The following ASB1 variants were observed in gnomAD, a reference collection of about 807,000 sequenced individuals.
ASB1 encodes ankyrin repeat and SOCS box containing 1.
ASB1 carries 18 observed loss-of-function variants against 27.7 expected under a neutral mutation model. The ratio of observed to expected loss-of-function variants is 0.65; its 90% CI spans 0.45 to 0.96. The LOEUF is 0.96. Ranked by LOEUF, ASB1 falls within the 50% of genes least tolerant of loss-of-function variation. The pLI, the probability that ASB1 is intolerant of heterozygous loss-of-function variation, is 0.00. For missense variants in ASB1, 397 were observed against 451.7 expected (o/e 0.88, Z 1.10); for synonymous variants, 189 against 187.6 (o/e 1.01, Z -0.06).
rs2106412107 is a variant in ASB1 at position 238,447,966 on chromosome 2, G to T, written c.*1455G>T. The T allele has an allele frequency of 6.6e-6, 1 of 152,410 alleles. No homozygotes were observed. Among genetic ancestry groups the T allele is most frequent in the Admixed American group, 6.5e-5 (1 of 15,304 alleles). 9.4% of individuals were successfully genotyped at this position (152,410 alleles called of 1,614,324 possible). A position where few individuals can be genotyped will look rare whatever the true frequency, so the allele number is the denominator to read the frequency against. On this transcript the variant is annotated 3_prime_UTR_variant, in exon 5 of 5. Coordinates refer to ENST00000264607, the MANE Select transcript of ASB1 (RefSeq NM_001040445.3). ...GTCACCCCAGCTGACCCGTGTATGT[G>T]CAGATGCAGTTCCGAAGGGAAGAAC...
At chr2:238,428,821 G>A (rs891058032) in intron 1 of ASB1, among the ~76,000 whole-genome samples, 2 of 152,210 alleles carry the variant, frequency 1.3e-5, no homozygotes, top group African/African-American at 2.4e-5. Flanking sequence ...GGAATGGATA[G>A]CACAGAGGCC....
intron 3 of ASB1, among the ~76,000 whole-genome samples, chr2:238,437,632 A>G (rs1375615245): frequency 6.6e-6 from 1 of 151,288 alleles, no homozygotes; most frequent in Non-Finnish European, 1.5e-5. Flanking sequence ...TCCAGCAAAG[A>G]TGCTTTTTTC....
rs1434885136 is a variant in ASB1, at chr2:238,433,635, C to T, written c.131C>T (p.Ala44Val). 3.7e-6 allele frequency: 6 copies of T among 1,614,130 alleles called. No homozygotes were observed. The highest frequency in any genetic ancestry group is 5.1e-6 in the Non-Finnish European group (6 of 1,179,984). The change falls in exon 2 of 5, where the codon GCA becomes GTA. Residue 44 changes from alanine (A) to valine (V), a missense_variant. Transcript: ENST00000264607. ...EHCEDTRLHDAAYVGDLQTLR... is the reference protein window; with the variant it reads ...EHCEDTRLHDVAYVGDLQTLR... The stretch of plus-strand genomic sequence containing the variant: ...TGTGAGGACACGAGGCTCCATGATG[C>T]AGCTTACGTCGGGGACCTCCAGACC...
chr2:238,438,818 G>C (rs1410510196), intron 3 of ASB1, among the ~76,000 whole-genome samples: 2 of 152,238 alleles, frequency 1.3e-5, no homozygotes, highest in East Asian at 3.9e-4. Context: ...CACTTGATAT[G>C]TATTGCCCAT....
chr2:238,442,465 T>G (rs1478422933), intron 3 of ASB1, among the ~76,000 whole-genome samples: 2 of 152,224 alleles, frequency 1.3e-5, no homozygotes, highest in Non-Finnish European at 2.9e-5. Flanking sequence ...TAGAAGCTCT[T>G]TATACGTTAA....
chr2:238,436,128 G>A (rs1270913975), intron 3 of ASB1, 115 bp downstream of exon 3: 2 of 1,075,380 alleles, frequency 1.9e-6, no homozygotes, highest in Non-Finnish European at 2.6e-6. Context: ...TGTTTTGCTG[G>A]CCTTTGTAAA....
Position 238,446,928 on chromosome 2 carries a change from G to A in ASB1, c.*417G>A, listed in dbSNP as rs1211202784. 5.5e-6 allele frequency: 1 copy of A among 182,550 alleles called. No individual in the cohort carries two copies. Among genetic ancestry groups the A allele is most frequent in the Non-Finnish European group, 1.2e-5 (1 of 86,480 alleles). 11.3% of individuals were successfully genotyped at this position (182,550 alleles called of 1,614,324 possible). ...AGCCTTCTAGTATCTCAATGAAAAG[G>A]GAGTTTCGTAAGCAAAATAGAGGAC... On this transcript the variant is annotated 3_prime_UTR_variant, in exon 5 of 5. Coordinates refer to ENST00000264607, the MANE Select transcript of ASB1 (RefSeq NM_001040445.3).
At chr2:238,427,142 G>T (rs1336911202) in intron 1 of ASB1, 23 bp downstream of exon 1, 2 of 1,238,190 alleles carry the variant, frequency 1.6e-6, no homozygotes. Flanking sequence ...CGGCCACTGG[G>T]CCGCGGGGCG....
chr2:238,444,849 T>C, intron 4 of ASB1, 122 bp downstream of exon 4: 2 of 1,085,390 alleles, frequency 1.8e-6, no homozygotes, highest in Non-Finnish European at 2.6e-6. Flanking sequence ...CAGTTAGAAC[T>C]CGCAGTTTTC....
Position 238,448,711 on chromosome 2 carries a change from G to C in ASB1, c.*2200G>C, listed in dbSNP as rs1450467235. 6.6e-6 allele frequency: 1 copy of C among 152,506 alleles called. No individual in the cohort carries two copies. Among genetic ancestry groups the C allele is most frequent in the Non-Finnish European group, 1.5e-5 (1 of 68,250 alleles). 9.4% of individuals were successfully genotyped at this position (152,506 alleles called of 1,614,324 possible). A position where few individuals can be genotyped will look rare whatever the true frequency, so the allele number is the denominator to read the frequency against. On this transcript the variant is annotated 3_prime_UTR_variant, in exon 5 of 5. Transcript: ENST00000264607. ...CACCTGGGAATGCTGCCTCGTGGGAGTCCCATGCGTGAGTGTGGTGGTGTG... is the reference window on the plus strand; with the variant it reads ...CACCTGGGAATGCTGCCTCGTGGGACTCCCATGCGTGAGTGTGGTGGTGTG...
In ASB1 at chr2:238,450,068, C is replaced by T. The variant is rs1702253943; in HGVS notation, c.*3557C>T. The stretch of plus-strand genomic sequence containing the variant: ...GTCACATGGGAAGCAATGTGTTACG[C>T]AAGCAGTCTCCATGTGTGTGTAAAC... On this transcript the variant is annotated 3_prime_UTR_variant, in exon 5 of 5. Transcript: ENST00000264607. The T allele has an allele frequency of 6.6e-6, 1 of 152,268 alleles. No homozygotes were observed. Among genetic ancestry groups the T allele is most frequent in the Non-Finnish European group, 1.5e-5 (1 of 68,058 alleles). The allele number at this position is 152,268 out of a possible 1,614,324, so 9.4% of individuals were successfully genotyped here.
chr2:238,442,121 ATTT>A (rs55633528), intron 3 of ASB1, among the ~76,000 whole-genome samples: 13,560 of 141,930 alleles, frequency 0.096, 653 homozygotes, highest in Non-Finnish European at 0.12. Context: ...ATCTCTCTAA[ATTT>A]TTTTTTTTTT....
chr2:238,435,693 C>G lies in ASB1; in HGVS notation c.192-18C>G. ...CCTGCGGCTGCCTCTCATGAGCCCC[C>G]TTGTGTTCCTCCTGCAGCCGCATCA... On this transcript the variant is annotated intron_variant, in intron 2 of 4. Coordinates refer to ENST00000264607, the MANE Select transcript of ASB1 (RefSeq NM_001040445.3). The G allele has an allele frequency of 6.2e-7, 1 of 1,602,688 alleles. No individual in the cohort carries two copies. Among genetic ancestry groups the G allele is most frequent in the Non-Finnish European group, 8.5e-7 (1 of 1,173,678 alleles).
rs967054499 is a variant in ASB1 at position 238,446,867 on chromosome 2, T to G, written c.*356T>G. 1.5e-5 allele frequency: 3 copies of G among 206,022 alleles called. No homozygotes were observed. Among genetic ancestry groups the G allele is most frequent in the East Asian group, 1.5e-4 (1 of 6,804 alleles). The allele number at this position is 206,022 out of a possible 1,614,324, so 12.8% of individuals were successfully genotyped here. A position where few individuals can be genotyped will look rare whatever the true frequency, so the allele number is the denominator to read the frequency against. On this transcript the variant is annotated 3_prime_UTR_variant, in exon 5 of 5. Transcript: ENST00000264607. Reference sequence around the variant, plus strand: ...AGCACTTCTGGAACTGTGCTTCTCTTTATTTTTCTACTTCTCAATTTGATG... The same window carrying G: ...AGCACTTCTGGAACTGTGCTTCTCTGTATTTTTCTACTTCTCAATTTGATG...
At chr2:238,429,847 A>G (rs576034510) in intron 1 of ASB1, among the ~76,000 whole-genome samples, 11 of 151,874 alleles carry the variant, frequency 7.2e-5, no homozygotes, top group African/African-American at 2.7e-4. Flanking sequence ...CTGAGGCAGG[A>G]GAATGGCGTG....
chr2:238,433,278 C>A, intron 1 of ASB1: 1 of 323,528 alleles, frequency 3.1e-6, no homozygotes, highest in Non-Finnish European at 5.9e-6. Flanking sequence ...AAGGTTTCTA[C>A]TATTTTCTGT....
intron 3 of ASB1, among the ~76,000 whole-genome samples, chr2:238,442,813 T>C (rs1702104889): frequency 6.6e-6 from 1 of 152,220 alleles, no homozygotes; most frequent in African/African-American, 2.4e-5. Context: ...CACCCTCCCT[T>C]GTTTGAGATA....
rs1240675287 is a variant in ASB1 at position 238,444,645 on chromosome 2, G to A, written c.798G>A (p.Val266=). 2 of 1,614,164 alleles carry A rather than the reference G, an allele frequency of 1.2e-6. No individual in the cohort carries two copies. Among genetic ancestry groups the A allele is most frequent in the South Asian group, 2.2e-5 (2 of 91,082 alleles). The change falls in exon 4 of 5, where the codon GTG becomes GTA. Residue 266 remains valine (V), a synonymous_variant. Coordinates refer to ENST00000264607, the MANE Select transcript of ASB1 (RefSeq NM_001040445.3). ...LVEFGANLNL[V]KWESLGPESR... The stretch of plus-strand genomic sequence containing the variant: ...AATTTGGAGCCAACCTGAATCTAGT[G>A]AAGTGGGAATCGCTGGGCCCAGAGT...
At chr2:238,429,360 T>C (rs1360012508) in intron 1 of ASB1, among the ~76,000 whole-genome samples, 1 of 152,206 alleles carries the variant, frequency 6.6e-6, no homozygotes, top group East Asian at 1.9e-4. Context: ...ACAAAACTCT[T>C]AAATCTTCAG....
Sources: allele counts gnomAD v4.1 joint callset (sites outside exome capture counted in the v4.1 genomes callset), GRCh38; gene constraint gnomAD v4.1.1; transcripts MANE v1.5; gene names NCBI Gene and HGNC (gene_info 2026-07-23, HGNC 2026-07-21).